Variants in CHIC1 observed in about 807,000 individuals in gnomAD.
The protein encoded by CHIC1 is cysteine rich hydrophobic domain 1, also known as cysteine-rich hydrophobic domain-containing protein 1.
In CHIC1, 7 loss-of-function variants were observed where a neutral mutation model predicts 18.5. That is an observed-to-expected ratio of 0.38 (90% CI 0.22 to 0.71). The LOEUF (loss-of-function observed/expected upper bound fraction) is 0.71, where lower values mean the gene tolerates loss of function less well. Ranked by LOEUF, CHIC1 falls within the 30% of genes least tolerant of loss-of-function variation. The pLI is 0.49. For missense variants in CHIC1, 159 were observed against 176.9 expected (o/e 0.90, Z 0.57); for synonymous variants, 77 against 73.5 (o/e 1.05, Z -0.25).
chrX:73,581,174 A>G (rs937058957), intron 2 of CHIC1, among the ~76,000 whole-genome samples: 8 of 110,677 alleles, frequency 7.2e-5, no homozygotes, highest in Non-Finnish European at 1.3e-4. Flanking sequence ...TTACAGTATG[A>G]CAGCTGATTG....
intron 1 of CHIC1, among the ~76,000 whole-genome samples, chrX:73,570,237 A>G (rs1407885551): frequency 1.8e-5 from 2 of 111,567 alleles, no homozygotes; most frequent in Admixed American, 1.9e-4. Flanking sequence ...AGCCTTGGGC[A>G]TTCAAGGCAT....
chrX:73,669,943 T>C lies in CHIC1; in HGVS notation c.508-9383T>C, dbSNP rs144947872. On this transcript the variant is annotated intron_variant, in intron 3 of 5. Transcript: ENST00000373502. The stretch of plus-strand genomic sequence containing the variant: ...CTTGCCTGAGTTGCAGACACATTCA[T>C]TGGGGATCTCCGGGTCAGAGTATGC... Among the ~76,000 whole-genome samples, 722 of 112,043 alleles carry C rather than the reference T, an allele frequency of 6.4e-3. 8 individuals are homozygous for C. The highest frequency in any genetic ancestry group is 0.022 in the African/African-American group (676 of 30,880).
rs1354723978 is a variant in CHIC1 at position 73,584,589 on chromosome X, T to C, written c.507+17T>C. ...AACAAAAGAGTGAGTAACTGTTTTA[T>C]TGTATAATAATAATAATAACTAACA... On this transcript the variant is annotated intron_variant, in intron 3 of 5. Transcript: ENST00000373502. 4 of 1,094,412 alleles carry C rather than the reference T, an allele frequency of 3.7e-6. No individual in the cohort carries two copies. The South Asian group carries it at 8.9e-5, about 24-fold the overall frequency. 90.2% of individuals were successfully genotyped at this position (1,094,412 alleles called of 1,213,427 possible). A position where few individuals can be genotyped will look rare whatever the true frequency, so the allele number is the denominator to read the frequency against.
intron 3 of CHIC1, among the ~76,000 whole-genome samples, chrX:73,674,800 T>A (rs1429156541): frequency 1.9e-5 from 2 of 107,622 alleles, no homozygotes; most frequent in South Asian, 8.6e-4. Context: ...TTGCTCTTGC[T>A]TTTCTAGTTC....
At chrX:73,628,820 T>C (rs1049670549) in intron 3 of CHIC1, among the ~76,000 whole-genome samples, 3 of 111,567 alleles carry the variant, frequency 2.7e-5, no homozygotes, top group Non-Finnish European at 3.8e-5. Context: ...TAACTATCTA[T>C]CCTTGTGGGG....
At chrX:73,600,804 A>T (rs946570481) in intron 3 of CHIC1, among the ~76,000 whole-genome samples, 5 of 107,194 alleles carry the variant, frequency 4.7e-5, no homozygotes, top group Non-Finnish European at 9.5e-5. Flanking sequence ...TGCTGTATTC[A>T]GGAAACCCAT....
In CHIC1 at chrX:73,684,014, G is replaced by T. The variant is rs1426763505; in HGVS notation, c.*3009G>T. On this transcript the variant is annotated 3_prime_UTR_variant, in exon 6 of 6. Coordinates refer to ENST00000373502, the MANE Select transcript of CHIC1 (RefSeq NM_001039840.4). ...TTAGAACAAAGATAACACATTACGTGTAAGGAAGCATAATAAATGAATTGG... is the reference window on the plus strand; with the variant it reads ...TTAGAACAAAGATAACACATTACGTTTAAGGAAGCATAATAAATGAATTGG... The T allele has an allele frequency of 8.9e-6, 1 of 111,917 alleles. No homozygotes were observed. Among genetic ancestry groups the T allele is most frequent in the Non-Finnish European group, 1.9e-5 (1 of 52,818 alleles). 9.2% of individuals were successfully genotyped at this position (111,917 alleles called of 1,213,427 possible).
At chrX:73,587,322 TGACTCTGGTGC>T (rs1290704742) in intron 3 of CHIC1, among the ~76,000 whole-genome samples, 1 of 111,746 alleles carries the variant, frequency 8.9e-6, no homozygotes, top group East Asian at 2.8e-4. Flanking sequence ...TAATCTCTCT[TGACTCTGGTGC>T]GATTTCGCAG....
chrX:73,615,900 C>T (rs755958387), intron 3 of CHIC1, among the ~76,000 whole-genome samples: 4 of 110,745 alleles, frequency 3.6e-5, no homozygotes, highest in Non-Finnish European at 5.7e-5. Flanking sequence ...GTGCTTTGGC[C>T]CTGGTGGTGG....
At chrX:73,679,530 T>C (rs6648376) in intron 4 of CHIC1, 124 bp from the exon 5 acceptor site, 83,096 of 565,093 alleles carry the variant, frequency 0.15, 4,767 homozygotes, top group South Asian at 0.29. Flanking sequence ...TACAAGGTAT[T>C]TTTAAGTGCT....
At chrX:73,586,250 C>G (rs1348860494) in intron 3 of CHIC1, among the ~76,000 whole-genome samples, 1 of 111,112 alleles carries the variant, frequency 9.0e-6, no homozygotes, top group Non-Finnish European at 1.9e-5. Context: ...AGAAACCACC[C>G]ATAGTTTACA....
intron 3 of CHIC1, among the ~76,000 whole-genome samples, chrX:73,643,225 G>C (rs62610681): frequency 0.038 from 4,184 of 111,099 alleles, 102 homozygotes; most frequent in Middle Eastern, 0.079. Context: ...TAGAGTTTCT[G>C]CCGAGAGATC....
Position 73,684,905 on chromosome X carries a change from G to T in CHIC1, c.*3900G>T, listed in dbSNP as rs2058114918. 9.0e-6 allele frequency: 1 copy of T among 110,696 alleles called. No homozygotes were observed. Among genetic ancestry groups the T allele is most frequent in the African/African-American group, 3.3e-5 (1 of 30,520 alleles). The allele number at this position is 110,696 out of a possible 1,213,427, so 9.1% of individuals were successfully genotyped here. ...CTGAGCCAGCCTTTTTGTTTTGATG[G>T]CACCCTGTGAGTATGTTCCATTTTC... On this transcript the variant is annotated 3_prime_UTR_variant, in exon 6 of 6. Coordinates refer to ENST00000373502, the MANE Select transcript of CHIC1 (RefSeq NM_001039840.4).
At chrX:73,632,657 A>ATG (rs907593167) in intron 3 of CHIC1, among the ~76,000 whole-genome samples, 9 of 99,757 alleles carry the variant, frequency 9.0e-5, no homozygotes, top group African/African-American at 3.3e-4. Context: ...TTTCCTTTTT[A>ATG]TGTTATGTAT....
intron 3 of CHIC1, among the ~76,000 whole-genome samples, chrX:73,599,208 G>A (rs2057628640): frequency 9.1e-6 from 1 of 110,093 alleles, no homozygotes; most frequent in Admixed American, 9.6e-5. Flanking sequence ...ATCTGTTTGA[G>A]TTCATTGTAG....
At chrX:73,591,029 C>T (rs749659135) in intron 3 of CHIC1, among the ~76,000 whole-genome samples, 34 of 111,432 alleles carry the variant, frequency 3.1e-4, no homozygotes, top group Non-Finnish European at 5.1e-4. Flanking sequence ...TGCAAAGTCG[C>T]TGTGCCATTT....
intron 2 of CHIC1, among the ~76,000 whole-genome samples, chrX:73,580,006 T>A (rs770933427): frequency 9.0e-6 from 1 of 110,554 alleles, no homozygotes; most frequent in African/African-American, 3.3e-5. Context: ...CCATTGGCTT[T>A]GAAATACAGG....
At chrX:73,632,508 C>T (rs989263082) in intron 3 of CHIC1, among the ~76,000 whole-genome samples, 3 of 111,045 alleles carry the variant, frequency 2.7e-5, no homozygotes, top group African/African-American at 3.3e-5. Context: ...CTGACTGGTT[C>T]GTAGTTTCTT....
chrX:73,572,378 G>A (rs2057475186), intron 1 of CHIC1, among the ~76,000 whole-genome samples: 1 of 110,491 alleles, frequency 9.1e-6, no homozygotes, highest in Admixed American at 9.7e-5. Flanking sequence ...GGACCCCTAG[G>A]TCAATTCCAT....
Sources: gnomAD v4.1 joint callset for allele counts (sites outside exome capture counted in the v4.1 genomes callset) on GRCh38, gnomAD v4.1.1 for gene constraint, MANE v1.5 for transcripts, NCBI Gene and HGNC (gene_info 2026-07-23, HGNC 2026-07-21) for gene names.